Variants in PCDH11X observed in about 807,000 individuals in gnomAD.
The protein encoded by PCDH11X is protocadherin 11 X-linked, also known as protocadherin-11 X-linked.
In PCDH11X, 18 loss-of-function variants were observed where a neutral mutation model predicts 53.3. That is an observed-to-expected ratio of 0.34 (90% confidence interval 0.23 to 0.50). PCDH11X has a LOEUF of 0.50. Ranked by LOEUF, PCDH11X falls within the 20% of genes least tolerant of loss-of-function variation. The probability of loss-of-function intolerance (pLI) is 0.98; values close to 1 mark genes in which losing one functional copy is unlikely to be tolerated. For missense variants in PCDH11X, 570 were observed against 1,032.4 expected (o/e 0.55, Z 6.14); for synonymous variants, 279 against 393.3 (o/e 0.71, Z 3.44).
chrX:91,791,225 C>G (rs1156737262), intron 1 of PCDH11X, among the ~76,000 whole-genome samples: 3 of 110,434 alleles, frequency 2.7e-5, no homozygotes, highest in Non-Finnish European at 3.8e-5. Context: ...TAACAGTTTT[C>G]TGTATTGGTC....
chrX:92,246,788 T>A (rs1052391297), intron 7 of PCDH11X, among the ~76,000 whole-genome samples: 26 of 111,952 alleles, frequency 2.3e-4, no homozygotes, highest in South Asian at 3.6e-4. Context: ...AGATAATATA[T>A]ATTAAATACC....
intron 8 of PCDH11X, among the ~76,000 whole-genome samples, chrX:92,384,227 C>T (rs770061311): frequency 9.1e-6 from 1 of 110,345 alleles, no homozygotes; most frequent in African/African-American, 3.3e-5. Flanking sequence ...GGTGTTAGTC[C>T]TTTGTCAGAT....
rs1491052890 is a variant in PCDH11X, at chrX:92,403,337, TTG to T, written c.3343+15406_3343+15407del. Among the ~76,000 whole-genome samples the T allele has an allele frequency of 2.7e-4, 21 of 76,714 alleles. 3 individuals carry two copies. Among genetic ancestry groups the T allele is most frequent in the African/African-American group, 1.1e-3 (17 of 15,670 alleles). 66.6% of individuals were successfully genotyped at this position (76,714 alleles called of 115,157 possible). ...TGTGTCCGGGCATTTACGTTTTTTT[TTG>T]TTTTTTTTTTTTTTTTTTTTTGTAG... is the stretch of plus-strand genomic sequence containing the variant. On this transcript the variant is annotated intron_variant, in intron 9 of 10. Transcript: ENST00000682573.
chrX:92,340,657 C>T (rs2069734087), intron 8 of PCDH11X, among the ~76,000 whole-genome samples: 1 of 111,875 alleles, frequency 8.9e-6, no homozygotes. Context: ...GAGTCGTGTC[C>T]CAAGGCTATG....
At chrX:92,544,926 C>G (rs1209922905) in intron 10 of PCDH11X, among the ~76,000 whole-genome samples, 4 of 111,536 alleles carry the variant, frequency 3.6e-5, no homozygotes, top group Non-Finnish European at 7.5e-5. Context: ...TATCCAGATT[C>G]AAGCCCCTAC....
intron 10 of PCDH11X, among the ~76,000 whole-genome samples, chrX:92,537,889 C>T (rs2750949): frequency 9.1e-6 from 1 of 109,667 alleles, no homozygotes; most frequent in African/African-American, 3.3e-5. Flanking sequence ...GTTTTAATAG[C>T]TTTTGGTAGT....
chrX:92,384,884 G>A (rs1257029317), intron 8 of PCDH11X, among the ~76,000 whole-genome samples: 2 of 98,261 alleles, frequency 2.0e-5, no homozygotes, highest in Admixed American at 1.1e-4. Flanking sequence ...CTAGTCCCCA[G>A]GCAAGAAAGA....
chrX:91,843,831 G>A (rs1937570182), intron 5 of PCDH11X, among the ~76,000 whole-genome samples: 1 of 111,191 alleles, frequency 9.0e-6, no homozygotes. Context: ...ACATTTATCT[G>A]CACAATCATT....
Position 92,620,680 on chromosome X carries a change from T to C in PCDH11X, c.*1740T>C, listed in dbSNP as rs1243007230. 1 of 111,373 alleles carries C rather than the reference T, an allele frequency of 9.0e-6. No homozygotes were observed. The highest frequency in any genetic ancestry group is 3.3e-5 in the African/African-American group (1 of 30,436). The allele number at this position is 111,373 out of a possible 1,213,427, so 9.2% of individuals were successfully genotyped here. A position where few individuals can be genotyped will look rare whatever the true frequency, so the allele number is the denominator to read the frequency against. On this transcript the variant is annotated 3_prime_UTR_variant, in exon 11 of 11. Transcript: ENST00000682573. ...CATGTGCCCAGCAGGTTAAGTAGCG[T>C]TTTCAGAATATACATTATTCCCATC...
chrX:91,779,857 G>A (rs1935066242), intron 1 of PCDH11X, among the ~76,000 whole-genome samples, 173 bp downstream of exon 1: 1 of 110,240 alleles, frequency 9.1e-6, no homozygotes, highest in African/African-American at 3.3e-5. Flanking sequence ...CGGGAGGTAA[G>A]AGAAAGAGCA....
At chrX:92,030,586 ATTCT>A (rs913254968) in intron 6 of PCDH11X, among the ~76,000 whole-genome samples, 20 of 108,586 alleles carry the variant, frequency 1.8e-4, no homozygotes, top group African/African-American at 6.8e-4. Context: ...GGTCTTATTC[ATTCT>A]TTCTATTTTA....
At chrX:92,245,598 G>A (rs900667474) in intron 7 of PCDH11X, among the ~76,000 whole-genome samples, 2 of 112,146 alleles carry the variant, frequency 1.8e-5, no homozygotes, top group African/African-American at 6.5e-5. Flanking sequence ...CCTGGTGAAT[G>A]AATAAATGAA....
At chrX:92,321,255 C>T (rs1414173013) in intron 8 of PCDH11X, among the ~76,000 whole-genome samples, 1 of 100,995 alleles carries the variant, frequency 9.9e-6, no homozygotes, top group East Asian at 3.4e-4. Flanking sequence ...TGCAGTGGCG[C>T]AATCTCGGCT....
intron 10 of PCDH11X, among the ~76,000 whole-genome samples, chrX:92,563,047 G>GTTTTTTTTTTTTTT (rs61411325): frequency 2.3e-5 from 1 of 43,859 alleles, no homozygotes; most frequent in African/African-American, 9.6e-5. Flanking sequence ...CCTTGGTACC[G>GTTTTTTTTTTTTTT]TTTTTTTTTT....
chrX:92,020,772 C>T (rs1415455621), intron 6 of PCDH11X, among the ~76,000 whole-genome samples: 8 of 110,635 alleles, frequency 7.2e-5, no homozygotes, highest in Non-Finnish European at 1.1e-4. Flanking sequence ...TGTCAGACAC[C>T]GTATTCAGGA....
chrX:92,316,556 G>A (rs1327893978), intron 8 of PCDH11X, among the ~76,000 whole-genome samples: 1 of 111,433 alleles, frequency 9.0e-6, no homozygotes, highest in Non-Finnish European at 1.9e-5. Flanking sequence ...ATTCAGTTTA[G>A]AAATTTAATT....
At position 92,387,745 on chromosome X, in the gene PCDH11X, G is replaced by A. The variant is rs1256756785; in HGVS notation, c.3155G>A (p.Arg1052His). The stretch of plus-strand genomic sequence containing the variant: ...CATTCTCCCTTTCAGTCCCAGCGGC[G>A]TGTCACATTTCACCTGCCAGAAGGC... ...EGKVAGKSQR[R>H]VTFHLPEGSQ... The change falls in exon 9 of 11, where the codon CGT becomes CAT. Residue 1052 changes from arginine (R) to histidine (H), a missense_variant. Coordinates refer to ENST00000682573, the MANE Select transcript of PCDH11X (RefSeq NM_032968.5). 30 of 1,210,249 alleles carry A rather than the reference G, an allele frequency of 2.5e-5. No individual in the cohort carries two copies. Among genetic ancestry groups the A allele is most frequent in the South Asian group, 8.8e-5 (5 of 56,843 alleles).
chrX:92,606,029 C>T (rs1191469697), intron 10 of PCDH11X, among the ~76,000 whole-genome samples: 2 of 109,349 alleles, frequency 1.8e-5, no homozygotes, highest in African/African-American at 3.3e-5. Flanking sequence ...GTTGGGAGTT[C>T]GAGACCACCC....
chrX:92,194,214 C>T (rs896408213), intron 6 of PCDH11X, among the ~76,000 whole-genome samples: 3 of 111,386 alleles, frequency 2.7e-5, no homozygotes, highest in East Asian at 2.8e-4. Flanking sequence ...TAATCTTGAG[C>T]GATTCTCAGA....
Sources: gnomAD v4.1 joint callset for allele counts (sites outside exome capture counted in the v4.1 genomes callset) on GRCh38, gnomAD v4.1.1 for gene constraint, MANE v1.5 for transcripts, NCBI Gene and HGNC (gene_info 2026-07-23, HGNC 2026-07-21) for gene names.